DCC: variants seen among roughly 807,000 people sequenced by gnomAD.
The protein encoded by DCC is DCC netrin 1 receptor, also known as netrin receptor DCC.
In DCC, 58 loss-of-function variants were observed where a neutral mutation model predicts 172.5. The ratio of observed to expected loss-of-function variants is 0.34; its 90% CI spans 0.27 to 0.42. DCC has a LOEUF of 0.42. DCC is among the 10% of genes least tolerant of loss of function. The pLI is 1.00. For missense variants in DCC, 1,740 were observed against 1,791.0 expected, an observed-to-expected ratio of 0.97 and a Z score of 0.51; for synonymous variants, 709 against 644.5, an observed-to-expected ratio of 1.10 and a Z score of -1.52.
chr18:52,548,626 C>A (rs952015549), intron 1 of DCC, among the ~76,000 whole-genome samples: 1 of 152,048 alleles, frequency 6.6e-6, no homozygotes, highest in Admixed American at 6.6e-5. Flanking sequence ...GTTTTCAATT[C>A]GAAAACTGGG....
intron 1 of DCC, among the ~76,000 whole-genome samples, chr18:52,489,865 A>T (rs2030416563): frequency 1.3e-5 from 2 of 152,108 alleles, no homozygotes; most frequent in African/African-American, 4.8e-5. Flanking sequence ...ACCTCATCTG[A>T]GCCCATTATC....
intron 1 of DCC, among the ~76,000 whole-genome samples, chr18:52,740,583 C>T (rs2036805912): frequency 6.6e-6 from 1 of 152,182 alleles, no homozygotes; most frequent in African/African-American, 2.4e-5. Flanking sequence ...TTCCCTGGAC[C>T]TGTCAGACCT....
chr18:52,432,619 T>C (rs1021217481), intron 1 of DCC, among the ~76,000 whole-genome samples: 1 of 152,186 alleles, frequency 6.6e-6, no homozygotes. Context: ...CTTTGCTTCA[T>C]GTTGCATTTG....
chr18:52,798,864 T>C (rs963248684), intron 2 of DCC, among the ~76,000 whole-genome samples: 1 of 152,184 alleles, frequency 6.6e-6, no homozygotes, highest in East Asian at 1.9e-4. Flanking sequence ...GTAATTCTCC[T>C]GCCTCAGCCT....
At chr18:52,721,478 C>T (rs550990877) in intron 1 of DCC, among the ~76,000 whole-genome samples, 2 of 152,274 alleles carry the variant, frequency 1.3e-5, no homozygotes, top group South Asian at 2.1e-4. Flanking sequence ...ATCAACTAGG[C>T]ACTGGGTTTT....
At chr18:52,670,426 A>T (rs2035530589) in intron 1 of DCC, among the ~76,000 whole-genome samples, 1 of 152,214 alleles carries the variant, frequency 6.6e-6, no homozygotes, top group Non-Finnish European at 1.5e-5. Flanking sequence ...TTGTGTTCAA[A>T]TTCTTTAACT....
At chr18:53,466,118 T>G (rs2145180282) in intron 24 of DCC, among the ~76,000 whole-genome samples, 1 of 152,266 alleles carries the variant, frequency 6.6e-6, no homozygotes. Context: ...ATTTTGTTTT[T>G]AGAGATGGGG....
intron 4 of DCC, among the ~76,000 whole-genome samples, chr18:52,924,967 A>T (rs1270786083): frequency 7.6e-6 from 1 of 131,884 alleles, no homozygotes; most frequent in South Asian, 2.2e-4. Context: ...GGACTAGATT[A>T]TCTATCATTT....
At position 53,535,574 on chromosome 18, in the gene DCC, A is replaced by G. The variant is rs1482824343; in HGVS notation, c.*4921A>G. On this transcript the variant is annotated 3_prime_UTR_variant, in exon 29 of 29. Transcript: ENST00000442544. ...ACAGCTTTAACTAGCCTTAGTGAGA[A>G]AAGAAATTTTTTGTTGTTACAAAAC... 1 of 152,250 alleles carries G rather than the reference A, an allele frequency of 6.6e-6. No individual in the cohort carries two copies. Among genetic ancestry groups the G allele is most frequent in the Admixed American group, 6.5e-5 (1 of 15,286 alleles). 9.4% of individuals were successfully genotyped at this position (152,250 alleles called of 1,614,324 possible). A position where few individuals can be genotyped will look rare whatever the true frequency, so the allele number is the denominator to read the frequency against.
intron 2 of DCC, among the ~76,000 whole-genome samples, chr18:52,811,246 C>T (rs2038192603): frequency 6.6e-6 from 1 of 152,132 alleles, no homozygotes; most frequent in Non-Finnish European, 1.5e-5. Flanking sequence ...TAAAAATGAC[C>T]TATGAATATT....
At chr18:53,404,522 G>A (rs887025640) in intron 19 of DCC, among the ~76,000 whole-genome samples, 2 of 152,004 alleles carry the variant, frequency 1.3e-5, no homozygotes, top group Admixed American at 6.5e-5. Flanking sequence ...ACGAGGTCAG[G>A]AGATCGAGAC....
rs570742690 is a variant in DCC, at chr18:52,800,377, A to G, written c.412+48003A>G. 2.6e-5 allele frequency among the ~76,000 whole-genome samples: 4 copies of G among 152,304 alleles called. No individual in the cohort carries two copies. In the South Asian group the frequency reaches 8.3e-4, roughly 32 times the overall value. On this transcript the variant is annotated intron_variant, in intron 2 of 28. Coordinates refer to ENST00000442544, the MANE Select transcript of DCC (RefSeq NM_005215.4). ...GATGGAATAGAAAAGATAGTATTCT[A>G]TTTTTACAACAAGAAATACTGGGAG...
At chr18:52,700,885 G>GTGATAT (rs2036113326) in intron 1 of DCC, among the ~76,000 whole-genome samples, 1 of 152,190 alleles carries the variant, frequency 6.6e-6, no homozygotes, top group East Asian at 1.9e-4. Context: ...CCAGTAGCAC[G>GTGATAT]TGATATTGGT....
chr18:52,424,966 G>T (rs974489585), intron 1 of DCC, among the ~76,000 whole-genome samples: 1 of 151,684 alleles, frequency 6.6e-6, no homozygotes, highest in Non-Finnish European at 1.5e-5. Context: ...GGGGGTACAA[G>T]TATAATTTTG....
intron 5 of DCC, among the ~76,000 whole-genome samples, chr18:53,022,104 T>A (rs1375037495): frequency 1.3e-5 from 2 of 152,232 alleles, no homozygotes; most frequent in East Asian, 3.8e-4. Flanking sequence ...ATATTTTTAG[T>A]GCAAAATCTA....
At chr18:52,719,409 G>T (rs534594467) in intron 1 of DCC, among the ~76,000 whole-genome samples, 3 of 152,164 alleles carry the variant, frequency 2.0e-5, no homozygotes, top group Admixed American at 2.0e-4. Flanking sequence ...AGAATAAAGC[G>T]TTGAGTCCAC....
At chr18:53,087,486 T>C (rs2042932225) in intron 7 of DCC, among the ~76,000 whole-genome samples, 1 of 151,778 alleles carries the variant, frequency 6.6e-6, no homozygotes, top group African/African-American at 2.4e-5. Context: ...GAGTTCATTG[T>C]AGATTCTGGA....
At chr18:53,351,466 G>GTGTA (rs1568075540) in intron 15 of DCC, among the ~76,000 whole-genome samples, 7 of 37,296 alleles carry the variant, frequency 1.9e-4, no homozygotes, top group East Asian at 1.2e-3. Flanking sequence ...TACACAGTGT[G>GTGTA]TATATATATA....
At chr18:53,391,325 A>G (rs1423213616) in intron 16 of DCC, among the ~76,000 whole-genome samples, 1 of 152,212 alleles carries the variant, frequency 6.6e-6, no homozygotes, top group Non-Finnish European at 1.5e-5. Context: ...TCGATCCTGT[A>G]ACTAGATCTT....
Sources: gnomAD v4.1 joint callset for allele counts (sites outside exome capture counted in the v4.1 genomes callset) on GRCh38, gnomAD v4.1.1 for gene constraint, MANE v1.5 for transcripts, NCBI Gene and HGNC (gene_info 2026-07-23, HGNC 2026-07-21) for gene names.